Variants in ATG4C observed in about 807,000 individuals in gnomAD.
ATG4C encodes cysteine protease ATG4C.
In ATG4C, 56 loss-of-function variants were observed where a neutral mutation model predicts 57.6. The ratio of observed to expected loss-of-function variants is 0.97; its 90% CI spans 0.78 to 1.21. The LOEUF is 1.21. ATG4C is among the 50% of genes most tolerant of loss of function. The pLI is 0.00. For missense variants in ATG4C, 595 were observed against 529.8 expected (o/e 1.12, Z -1.21); for synonymous variants, 157 against 174.1 (o/e 0.90, Z 0.78).
intron 3 of ATG4C, among the ~76,000 whole-genome samples, chr1:62,808,541 C>T (rs575243091): frequency 9.5e-4 from 144 of 151,572 alleles, no homozygotes; most frequent in African/African-American, 2.9e-3. Flanking sequence ...TAAGGATATA[C>T]TGAAGAAGAA....
intron 10 of ATG4C, among the ~76,000 whole-genome samples, chr1:62,850,259 A>T (rs1401242254): frequency 1.3e-5 from 2 of 152,078 alleles, no homozygotes; most frequent in Admixed American, 1.3e-4. Context: ...TATACTTAGA[A>T]TTTGATAATT....
chr1:62,859,300 G>A (rs930491355), intron 10 of ATG4C, among the ~76,000 whole-genome samples: 11 of 152,080 alleles, frequency 7.2e-5, no homozygotes, highest in African/African-American at 2.4e-4. Context: ...AAACACTTCC[G>A]TCCTAAGCAT....
intron 1 of ATG4C, among the ~76,000 whole-genome samples, chr1:62,796,861 A>G (rs188391012): frequency 0.039 from 5,962 of 152,284 alleles, 414 homozygotes; most frequent in African/African-American, 0.14. Context: ...TAATCCCAGC[A>G]TTTTGGGAGG....
intron 10 of ATG4C, among the ~76,000 whole-genome samples, chr1:62,854,364 C>T (rs1358646927): frequency 2.0e-5 from 3 of 151,128 alleles, no homozygotes; most frequent in East Asian, 1.9e-4. Context: ...CTGCAAGCTC[C>T]GCCTCCCGGT....
intron 4 of ATG4C, among the ~76,000 whole-genome samples, chr1:62,817,925 A>G (rs1044503877): frequency 6.6e-6 from 1 of 152,154 alleles, no homozygotes; most frequent in Non-Finnish European, 1.5e-5. Flanking sequence ...GAGATTATTT[A>G]GAGAGAATGT....
intron 1 of ATG4C, among the ~76,000 whole-genome samples, chr1:62,792,209 A>T (rs1664299549): frequency 6.6e-6 from 1 of 151,566 alleles, no homozygotes; most frequent in Non-Finnish European, 1.5e-5. Context: ...CTTGGCCAGG[A>T]TGGTCTTGAA....
chr1:62,789,678 G>A (rs1437615489), intron 1 of ATG4C, among the ~76,000 whole-genome samples: 1 of 152,044 alleles, frequency 6.6e-6, no homozygotes, highest in East Asian at 2.0e-4. Flanking sequence ...TGAGCCGGGC[G>A]TGGTGGCGGG....
chr1:62,834,058 TTG>T lies in ATG4C; in HGVS notation c.959_960del (p.Val320GlyfsTer8), dbSNP rs551767003. The T allele has an allele frequency of 2.2e-3, 3,589 of 1,612,642 alleles. 11 individuals are homozygous for T. Among genetic ancestry groups the T allele is most frequent in the Non-Finnish European group, 2.4e-3 (2,870 of 1,179,190 alleles). On this transcript the variant is annotated frameshift_variant, in exon 8 of 11. Transcript: ENST00000317868. LOFTEE classifies it high-confidence loss of function. The part of the protein sequence containing the change: ...FVKGILSLEY[C>X]VGIIGGKPKQ... ...GGCAGGGTATTTTAAGCCTGGAATA[TTG>T]TGTGGGTATTATTGGTGGCAAACCT...
At chr1:62,853,741 C>T (rs1001358559) in intron 10 of ATG4C, among the ~76,000 whole-genome samples, 6 of 152,162 alleles carry the variant, frequency 3.9e-5, no homozygotes, top group East Asian at 1.9e-4. Flanking sequence ...CCACTGTACC[C>T]GGCCAGTTAC....
At chr1:62,818,366 G>C (rs1205665796) in intron 4 of ATG4C, among the ~76,000 whole-genome samples, 1 of 152,076 alleles carries the variant, frequency 6.6e-6, no homozygotes, top group Non-Finnish European at 1.5e-5. Flanking sequence ...ATAAATGTTA[G>C]TAAATATGTT....
intron 10 of ATG4C, among the ~76,000 whole-genome samples, 169 bp downstream of exon 10, chr1:62,841,716 C>T (rs754949160): frequency 1.3e-5 from 2 of 152,058 alleles, no homozygotes; most frequent in South Asian, 4.1e-4. Context: ...GGAATCTTAG[C>T]GTTTGAGGCA....
intron 1 of ATG4C, among the ~76,000 whole-genome samples, chr1:62,800,400 C>T (rs143518841): frequency 1.3e-5 from 2 of 152,090 alleles, no homozygotes; most frequent in African/African-American, 4.8e-5. Flanking sequence ...TTTTGCTGTA[C>T]TTCTTTCTTA....
At chr1:62,852,365 T>C (rs909963981) in intron 10 of ATG4C, among the ~76,000 whole-genome samples, 1 of 151,894 alleles carries the variant, frequency 6.6e-6, no homozygotes, top group East Asian at 1.9e-4. Context: ...TGGCTGGGAA[T>C]TGATTTTTTT....
In ATG4C at chr1:62,819,159, G is replaced by A. The variant is rs17123872; in HGVS notation, c.549G>A (p.Gly183=). The part of the protein sequence containing the change: ...TPTISLKETI[G]KYSDDHEMRN... ...CAATTTCTCTGAAGGAAACAATTGG[G>A]AAATATTCTGATGATCATGAAATGC... Residue 183 remains glycine, a synonymous_variant, in exon 5 of 11, where the codon GGG becomes GGA. Coordinates refer to ENST00000317868, the MANE Select transcript of ATG4C (RefSeq NM_032852.4). 0.039 allele frequency: 63,206 copies of A among 1,613,196 alleles called. 1,839 individuals are homozygous for A. The highest frequency in any genetic ancestry group is 0.15 in the Admixed American group (8,876 of 59,906).
At chr1:62,788,942 CATG>C (rs1012560517) in intron 1 of ATG4C, among the ~76,000 whole-genome samples, 17 of 151,782 alleles carry the variant, frequency 1.1e-4, no homozygotes, top group African/African-American at 4.1e-4. Context: ...TTAGGATTAA[CATG>C]ATCGTTTATT....
At chr1:62,848,043 T>C (rs762867935) in intron 10 of ATG4C, among the ~76,000 whole-genome samples, 1 of 152,212 alleles carries the variant, frequency 6.6e-6, no homozygotes, top group Non-Finnish European at 1.5e-5. Context: ...TGTTGAAATC[T>C]TTTATGTTCT....
At chr1:62,829,596 C>G (rs1173842380) in intron 7 of ATG4C, among the ~76,000 whole-genome samples, 1 of 151,928 alleles carries the variant, frequency 6.6e-6, no homozygotes, top group African/African-American at 2.4e-5. Context: ...ACCATGATGT[C>G]AATAAGAGAT....
rs150439912 is a variant in ATG4C at position 62,818,821 on chromosome 1, C to T, written c.395-184C>T. ...CTTGAAGAAACCTTGTACTCATCAGCAGCCACTCCCAGTACCTCTCCCTAA... is the reference window on the plus strand; with the variant it reads ...CTTGAAGAAACCTTGTACTCATCAGTAGCCACTCCCAGTACCTCTCCCTAA... On this transcript the variant is annotated intron_variant, in intron 4 of 10. Transcript: ENST00000317868. Among the ~76,000 whole-genome samples the T allele has an allele frequency of 2.2e-3, 335 of 152,202 alleles. 2 individuals carry two copies. Among genetic ancestry groups the T allele is most frequent in the African/African-American group, 7.8e-3 (326 of 41,550 alleles).
intron 6 of ATG4C, among the ~76,000 whole-genome samples, chr1:62,828,008 C>T (rs536989592): frequency 1.3e-5 from 2 of 152,124 alleles, no homozygotes; most frequent in Non-Finnish European, 2.9e-5. Flanking sequence ...TTTATGGCTG[C>T]ATAGTATTCC....
Sources: allele counts gnomAD v4.1 joint callset (sites outside exome capture counted in the v4.1 genomes callset), GRCh38; gene constraint gnomAD v4.1.1; transcripts MANE v1.5; gene names NCBI Gene and HGNC (gene_info 2026-07-23, HGNC 2026-07-21).